PLCB1: variants seen among roughly 807,000 people sequenced by gnomAD.
The protein encoded by PLCB1 is 1-phosphatidylinositol 4,5-bisphosphate phosphodiesterase beta-1.
In PLCB1, 46 loss-of-function variants were observed where a neutral mutation model predicts 161.8. The ratio of observed to expected loss-of-function variants is 0.28; its 90% CI spans 0.22 to 0.36. PLCB1 has a LOEUF of 0.36. Among genes scored for constraint, PLCB1 ranks in the 10% least tolerant of loss-of-function variants. The pLI is 1.00. For missense variants in PLCB1, 1,016 were observed against 1,472.5 expected, an observed-to-expected ratio of 0.69 and a Z score of 5.07; for synonymous variants, 517 against 503.7, an observed-to-expected ratio of 1.03 and a Z score of -0.35.
chr20:8,818,799 G>A (rs1313152027), intron 31 of PLCB1, among the ~76,000 whole-genome samples: 1 of 152,032 alleles, frequency 6.6e-6, no homozygotes, highest in African/African-American at 2.4e-5. Flanking sequence ...AAATTAGCTG[G>A]GTGTGGTGGC....
chr20:8,404,208 G>T lies in PLCB1; in HGVS notation c.246+32758G>T, dbSNP rs528444699. Reference sequence around the variant, plus strand: ...TGTGATTTCATGGAATAAATGCTCTGTTCTAAGAGTTAACTGACCTATGTT... The same window carrying T: ...TGTGATTTCATGGAATAAATGCTCTTTTCTAAGAGTTAACTGACCTATGTT... On this transcript the variant is annotated intron_variant, in intron 3 of 31. Coordinates refer to ENST00000338037, the MANE Select transcript of PLCB1 (RefSeq NM_015192.4). Among the ~76,000 whole-genome samples the T allele has an allele frequency of 2.6e-5, 4 of 152,256 alleles. No homozygotes were observed. The South Asian group carries it at 8.3e-4, about 32-fold the overall frequency.
chr20:8,158,038 T>A (rs1033399), intron 2 of PLCB1, among the ~76,000 whole-genome samples: 61,893 of 152,106 alleles, frequency 0.41, 12,626 homozygotes, highest in Middle Eastern at 0.46. Flanking sequence ...TTAGGAGAAA[T>A]TAAATTGGAT....
chr20:8,349,629 GTT>G (rs1047352837), intron 2 of PLCB1, among the ~76,000 whole-genome samples: 14 of 152,204 alleles, frequency 9.2e-5, no homozygotes, highest in African/African-American at 3.1e-4. Context: ...TTTTGTTTTG[GTT>G]TTTTGTTTGT....
chr20:8,867,633 T>C (rs1987474672), intron 31 of PLCB1, among the ~76,000 whole-genome samples: 3 of 152,256 alleles, frequency 2.0e-5, no homozygotes, highest in Admixed American at 2.0e-4. Context: ...TAGGCTGTCA[T>C]GCCCTTGCTC....
At chr20:8,364,915 A>G (rs969092406) in intron 2 of PLCB1, among the ~76,000 whole-genome samples, 1 of 152,322 alleles carries the variant, frequency 6.6e-6, no homozygotes, top group South Asian at 2.1e-4. Context: ...TGAAGTAGCT[A>G]TAGAGTTCCA....
chr20:8,256,793 G>A (rs1981443808), intron 2 of PLCB1: 1 of 152,064 alleles, frequency 6.6e-6, no homozygotes, highest in Non-Finnish European at 1.5e-5. Context: ...GCTTCTGGCT[G>A]AGCTCCTACT....
Position 8,163,763 on chromosome 20 carries a change from A to G in PLCB1, c.177+13392A>G, listed in dbSNP as rs151063315. 1.3e-3 allele frequency among the ~76,000 whole-genome samples: 195 copies of G among 152,270 alleles called. 1 individual carries two copies. The highest frequency in any genetic ancestry group is 4.5e-3 in the African/African-American group (187 of 41,550). On this transcript the variant is annotated intron_variant, in intron 2 of 31. Transcript: ENST00000338037. ...CTTTAGACAGGGTGTGTGGTATGCA[A>G]TCTGCCACATTTCCCACCAGGCTAG...
At chr20:8,745,431 T>G (rs1981122134) in intron 23 of PLCB1, among the ~76,000 whole-genome samples, 1 of 152,174 alleles carries the variant, frequency 6.6e-6, no homozygotes, top group Non-Finnish European at 1.5e-5. Flanking sequence ...TATTTGAACA[T>G]TAAAAATGTC....
chr20:8,494,916 G>T (rs545068824), intron 3 of PLCB1, among the ~76,000 whole-genome samples: 2 of 152,048 alleles, frequency 1.3e-5, no homozygotes, highest in Admixed American at 6.6e-5. Flanking sequence ...GGACTGAGCC[G>T]CATTATGTGA....
intron 3 of PLCB1, among the ~76,000 whole-genome samples, chr20:8,539,181 GAATA>G (rs1985174847): frequency 6.6e-6 from 1 of 152,130 alleles, no homozygotes; most frequent in South Asian, 2.1e-4. Flanking sequence ...CATAGCTGTA[GAATA>G]AATGGAACTT....
intron 3 of PLCB1, among the ~76,000 whole-genome samples, chr20:8,469,093 C>CA (rs1423403420): frequency 6.6e-6 from 1 of 152,114 alleles, no homozygotes; most frequent in Non-Finnish European, 1.5e-5. Context: ...CTTTGAGTAG[C>CA]AAAGCTTTGC....
At chr20:8,875,728 T>TAGG (rs1277068117) in intron 31 of PLCB1, among the ~76,000 whole-genome samples, 5 of 151,952 alleles carry the variant, frequency 3.3e-5, no homozygotes, top group Non-Finnish European at 7.4e-5. Context: ...CATTGTGGCT[T>TAGG]ATTGTTCTCT....
At chr20:8,242,411 A>G (rs1023636153) in intron 2 of PLCB1, among the ~76,000 whole-genome samples, 1 of 151,958 alleles carries the variant, frequency 6.6e-6, no homozygotes. Context: ...TAAGAAGGCA[A>G]TGATTAGTAT....
intron 3 of PLCB1, among the ~76,000 whole-genome samples, chr20:8,577,798 C>T (rs966793980): frequency 3.9e-5 from 6 of 152,062 alleles, no homozygotes; most frequent in Admixed American, 3.3e-4. Flanking sequence ...TTTCTGTCTT[C>T]CTCTTTTGAT....
At chr20:8,197,188 A>G (rs1015031649) in intron 2 of PLCB1, among the ~76,000 whole-genome samples, 6 of 152,144 alleles carry the variant, frequency 3.9e-5, no homozygotes, top group African/African-American at 1.4e-4. Context: ...ATACCCAGTA[A>G]TGGGATGGCT....
intron 3 of PLCB1, among the ~76,000 whole-genome samples, chr20:8,543,970 C>A (rs566453373): frequency 6.6e-6 from 1 of 152,278 alleles, no homozygotes; most frequent in Non-Finnish European, 1.5e-5. Context: ...GGGTATTCTT[C>A]ATAGCAGTGT....
At chr20:8,805,068 G>A (rs981421) in intron 31 of PLCB1, among the ~76,000 whole-genome samples, 137,095 of 150,540 alleles carry the variant, frequency 0.91, 62,900 homozygotes, top group Non-Finnish European at 0.96. Flanking sequence ...GTTTGCCAAA[G>A]GATAATGTTT....
Position 8,274,286 on chromosome 20 carries a change from T to C in PLCB1, c.178-97096T>C, listed in dbSNP as rs73609724. ...TTCATTGGCTTAACATCATTTTAAATATACATGCAATTATCAATATAGATA... is the reference window on the plus strand; with the variant it reads ...TTCATTGGCTTAACATCATTTTAAACATACATGCAATTATCAATATAGATA... On this transcript the variant is annotated intron_variant, in intron 2 of 31. Transcript: ENST00000338037. 2.1e-3 allele frequency among the ~76,000 whole-genome samples: 314 copies of C among 152,220 alleles called. 3 individuals carry two copies. Among genetic ancestry groups the C allele is most frequent in the African/African-American group, 7.0e-3 (291 of 41,550 alleles).
chr20:8,580,709 C>T (rs1394708929), intron 3 of PLCB1, among the ~76,000 whole-genome samples: 3 of 152,190 alleles, frequency 2.0e-5, no homozygotes, highest in African/African-American at 7.2e-5. Flanking sequence ...TTTATGCTTT[C>T]AAGGAACTCA....
Sources: gnomAD v4.1 joint callset for allele counts (sites outside exome capture counted in the v4.1 genomes callset) on GRCh38, gnomAD v4.1.1 for gene constraint, MANE v1.5 for transcripts, NCBI Gene and HGNC (gene_info 2026-07-23, HGNC 2026-07-21) for gene names.